The following NCOA2 variants were observed in gnomAD, a reference collection of about 807,000 sequenced individuals.
The protein encoded by NCOA2 is class E basic helix-loop-helix protein 75.
In NCOA2, 21 loss-of-function variants were observed where a neutral mutation model predicts 145.1. That is an observed-to-expected ratio of 0.14 (90% CI 0.10 to 0.21). The LOEUF (loss-of-function observed/expected upper bound fraction) is 0.21. NCOA2 is among the 10% of genes least tolerant of loss of function. The probability of loss-of-function intolerance (pLI) is 1.00; values close to 1 mark genes in which losing one functional copy is unlikely to be tolerated. For missense variants in NCOA2, 1,472 were observed against 1,837.6 expected (o/e 0.80, Z 3.64); for synonymous variants, 619 against 637.5 (o/e 0.97, Z 0.44).
intron 1 of NCOA2, among the ~76,000 whole-genome samples, chr8:70,337,595 A>T (rs1807729527): frequency 6.6e-6 from 1 of 152,170 alleles, no homozygotes; most frequent in Non-Finnish European, 1.5e-5. Context: ...CTCAGGTTTA[A>T]GTAAGTCAAT....
chr8:70,269,233 T>A (rs1491002678), intron 2 of NCOA2, among the ~76,000 whole-genome samples: 1 of 152,202 alleles, frequency 6.6e-6, no homozygotes, highest in Non-Finnish European at 1.5e-5. Context: ...AGCAGCATAA[T>A]ATTTCAAGTT....
intron 2 of NCOA2, among the ~76,000 whole-genome samples, chr8:70,291,402 G>A (rs1826668958): frequency 2.0e-5 from 3 of 152,064 alleles, no homozygotes; most frequent in Non-Finnish European, 2.9e-5. Flanking sequence ...GCCAACAGAG[G>A]TCACACTTAG....
At chr8:70,430,279 A>G in the NCOA2 span, among the ~76,000 whole-genome samples, 1 of 152,244 alleles carries the variant, frequency 6.6e-6, no homozygotes, top group Non-Finnish European at 1.5e-5. Flanking sequence ...TACAGATAAA[A>G]TGAGATAAAA....
chr8:70,346,025 T>TA (rs1375275437), intron 1 of NCOA2, among the ~76,000 whole-genome samples: 1 of 152,228 alleles, frequency 6.6e-6, no homozygotes, highest in Admixed American at 6.5e-5. Context: ...TAAGTGGAAT[T>TA]AAAATCTATA....
At chr8:70,159,706 C>T (rs759800634) in intron 9 of NCOA2, 54 bp from the exon 10 acceptor site, 306 of 1,519,502 alleles carry the variant, frequency 2.0e-4, no homozygotes, top group African/African-American at 4.5e-4. Flanking sequence ...ATTGAGGGGT[C>T]GGGGAGGACA....
chr8:70,331,317 C>T (rs1807077963), intron 1 of NCOA2, among the ~76,000 whole-genome samples: 1 of 152,018 alleles, frequency 6.6e-6, no homozygotes, highest in African/African-American at 2.4e-5. Context: ...GAAAAGTAAT[C>T]ATTTTAGTCT....
At chr8:70,254,276 C>G (rs1277369613) in intron 2 of NCOA2, among the ~76,000 whole-genome samples, 3 of 152,038 alleles carry the variant, frequency 2.0e-5, no homozygotes, top group Non-Finnish European at 4.4e-5. Context: ...AAACTAGAAC[C>G]CTTGTGCATT....
chr8:70,318,290 C>A lies in NCOA2; in HGVS notation c.-76-21490G>T, dbSNP rs141209861. 4.9e-4 allele frequency among the ~76,000 whole-genome samples: 75 copies of A among 152,350 alleles called. 3 individuals carry two copies. The East Asian group carries it at 0.013, about 27-fold the overall frequency. ...TTGTTTCCAAAATACGCCTTTCTGG[C>A]ATTCAGGCGGTTATTTTGAATAGGC... On this transcript the variant is annotated intron_variant, in intron 1 of 22. Transcript: ENST00000452400.
intron 1 of NCOA2, among the ~76,000 whole-genome samples, chr8:70,335,801 T>C (rs936888833): frequency 6.6e-6 from 1 of 152,140 alleles, no homozygotes; most frequent in Non-Finnish European, 1.5e-5. Context: ...ACCTAGATGG[T>C]GGAGCCTGCT....
chr8:70,185,609 G>A (rs569300977), intron 4 of NCOA2, among the ~76,000 whole-genome samples: 64 of 152,262 alleles, frequency 4.2e-4, no homozygotes, highest in Non-Finnish European at 1.8e-4. Context: ...AGGGTCATGG[G>A]GCACGTGGTG....
At chr8:70,276,383 A>T (rs1479671294) in intron 2 of NCOA2, among the ~76,000 whole-genome samples, 1 of 152,212 alleles carries the variant, frequency 6.6e-6, no homozygotes, top group African/African-American at 2.4e-5. Flanking sequence ...AAGTAAATTC[A>T]AAATATGGCA....
At chr8:70,342,491 T>C (rs1808222759) in intron 1 of NCOA2, among the ~76,000 whole-genome samples, 1 of 152,110 alleles carries the variant, frequency 6.6e-6, no homozygotes, top group Non-Finnish European at 1.5e-5. Flanking sequence ...AAATTACTTT[T>C]ATGTTAAAAT....
intron 2 of NCOA2, among the ~76,000 whole-genome samples, chr8:70,267,392 G>GTTTTT (rs34028372): frequency 2.0e-4 from 20 of 102,466 alleles, no homozygotes; most frequent in South Asian, 3.1e-4. Context: ...TTTCCTTTCT[G>GTTTTT]TTTTTTTTTT....
At chr8:70,253,069 T>C (rs1407585426) in intron 2 of NCOA2, among the ~76,000 whole-genome samples, 1 of 152,228 alleles carries the variant, frequency 6.6e-6, no homozygotes, top group African/African-American at 2.4e-5. Context: ...GTTTTCTACT[T>C]ATTCTTGTCT....
At chr8:70,220,889 T>C (rs747540950) in intron 2 of NCOA2, among the ~76,000 whole-genome samples, 3 of 152,214 alleles carry the variant, frequency 2.0e-5, no homozygotes, top group Non-Finnish European at 4.4e-5. Flanking sequence ...AGAATAAGGA[T>C]ACTACTGCTG....
intron 1 of NCOA2, among the ~76,000 whole-genome samples, chr8:70,376,194 T>C (rs771429865): frequency 6.6e-6 from 1 of 152,152 alleles, no homozygotes; most frequent in Non-Finnish European, 1.5e-5. Flanking sequence ...AATTTTACAA[T>C]ACTCACCAGA....
chr8:70,271,669 C>T (rs1342119520), intron 2 of NCOA2, among the ~76,000 whole-genome samples: 3 of 152,186 alleles, frequency 2.0e-5, no homozygotes, highest in Non-Finnish European at 2.9e-5. Context: ...CTCTGCTCTG[C>T]GAAGCTTTGG....
the NCOA2 span, among the ~76,000 whole-genome samples, chr8:70,444,577 A>C: frequency 6.6e-6 from 1 of 152,216 alleles, no homozygotes; most frequent in Non-Finnish European, 1.5e-5. Flanking sequence ...TCTGGTGGTG[A>C]TATTGTACTA....
chr8:70,399,003 T>C (rs1335981687), intron 1 of NCOA2, among the ~76,000 whole-genome samples: 1 of 152,168 alleles, frequency 6.6e-6, no homozygotes. Flanking sequence ...CTCCTTTTCA[T>C]AATGTTTTAC....
Sources: allele counts gnomAD v4.1 joint callset (sites outside exome capture counted in the v4.1 genomes callset), GRCh38; gene constraint gnomAD v4.1.1; transcripts MANE v1.5; gene names NCBI Gene and HGNC (gene_info 2026-07-23, HGNC 2026-07-21).